Variants in ARHGEF18 observed in about 807,000 individuals in gnomAD.
ARHGEF18 encodes rho guanine nucleotide exchange factor 18.
A neutral mutation model predicts 155.7 loss-of-function variants in ARHGEF18; 93 were observed. The observed-to-expected ratio is 0.60, with a 90% CI of 0.50 to 0.71. ARHGEF18 has a LOEUF of 0.71. Ranked by LOEUF, ARHGEF18 falls within the 30% of genes least tolerant of loss-of-function variation. The probability of loss-of-function intolerance (pLI) is 0.00; values close to 1 mark genes in which losing one functional copy is unlikely to be tolerated. For missense variants in ARHGEF18, 1,593 were observed against 1,816.1 expected, an observed-to-expected ratio of 0.88 and a Z score of 2.23; for synonymous variants, 742 against 753.1, an observed-to-expected ratio of 0.99 and a Z score of 0.24.
intron 10 of ARHGEF18, among the ~76,000 whole-genome samples, chr19:7,391,020 C>T (rs971867506): frequency 2.0e-5 from 3 of 152,012 alleles, no homozygotes; most frequent in Non-Finnish European, 4.4e-5. Flanking sequence ...AGCCCGTTGA[C>T]AGAGTGAGAC....
intron 10 of ARHGEF18, among the ~76,000 whole-genome samples, chr19:7,415,255 C>T (rs532996364): frequency 6.6e-6 from 1 of 152,216 alleles, no homozygotes; most frequent in Non-Finnish European, 1.5e-5. Flanking sequence ...CAGGTAGCAC[C>T]TTAGGCCCAA....
intron 10 of ARHGEF18, among the ~76,000 whole-genome samples, chr19:7,384,717 G>A (rs1471842533): frequency 1.3e-5 from 2 of 149,926 alleles, no homozygotes; most frequent in East Asian, 3.9e-4. Context: ...TTTGCGACAG[G>A]GTCTCACTCT....
intron 10 of ARHGEF18, among the ~76,000 whole-genome samples, chr19:7,401,433 A>G (rs1451344812): frequency 1.3e-5 from 2 of 152,114 alleles, no homozygotes; most frequent in Non-Finnish European, 2.9e-5. Context: ...CCACAGGCAC[A>G]CACCATCACG....
intron 14 of ARHGEF18, 148 bp from the exon 15 acceptor site, chr19:7,446,895 C>CAAA (rs11329734): frequency 2.7e-4 from 190 of 707,358 alleles, no homozygotes; most frequent in Middle Eastern, 1.0e-3. Flanking sequence ...GATGCTGTCT[C>CAAA]AAAAAAAAAA....
At chr19:7,473,632 A>G (rs1977129295), downstream of ARHGEF18, among the ~76,000 whole-genome samples, 1 of 151,976 alleles carries the variant, frequency 6.6e-6, no homozygotes, top group South Asian at 2.1e-4. Context: ...TAACAAGGTG[A>G]AACCCCGTCT....
downstream of ARHGEF18, chr19:7,477,378 A>G: frequency 6.4e-7 from 1 of 1,555,718 alleles, no homozygotes; most frequent in Admixed American, 1.9e-5. Context: ...CTGAGAAGTG[A>G]CAGCGCCTCC....
Position 7,458,683 on chromosome 19 carries a change from G to A in ARHGEF18, c.2353G>A (p.Val785Met), listed in dbSNP as rs1302262351. Residue 785 changes from valine to methionine, a missense_variant, in exon 19 of 29, where the codon GTG (valine) becomes ATG (methionine). Val to Met is a conservative substitution (Grantham distance 21). Transcript: ENST00000668164. ...CTGGATGGCCCACATCCAAAGGGCT[G>A]TGGAGAGGTGAGGAGGGCCTGGGGG... Reference protein sequence around the residue: ...NAWMAHIQRAVESCPDEEEGP... With the variant: ...NAWMAHIQRAMESCPDEEEGP... 1.9e-6 allele frequency: 3 copies of A among 1,611,590 alleles called. No homozygotes were observed. The highest frequency in any genetic ancestry group is 2.2e-5 in the East Asian group (1 of 44,810).
intron 10 of ARHGEF18, among the ~76,000 whole-genome samples, chr19:7,401,520 C>G (rs949021353): frequency 3.3e-5 from 5 of 152,128 alleles, no homozygotes; most frequent in Admixed American, 1.3e-4. Context: ...AACTCCTGAA[C>G]TCAAGCAATC....
rs1384153209 is a variant in ARHGEF18, at chr19:7,453,607, T to G, written c.1996T>G (p.Ser666Ala). 6.2e-7 allele frequency: 1 copy of G among 1,613,446 alleles called. No homozygotes were observed. The highest frequency in any genetic ancestry group is 2.2e-5 in the East Asian group (1 of 44,878). Residue 666 changes from serine (S) to alanine (A), a missense_variant, in exon 17 of 29, where the codon TCC (serine) becomes GCC (alanine). Transcript: ENST00000668164. ...EIAGKMDLKS[S>A]SKLKNGLTFR... ...CGCAGGGAAGATGGACCTGAAGTCT[T>G]CCAGCAAACTCAAGAACGGGCTCAC...
At chr19:7,367,447 T>TA (rs1030907000) in intron 2 of ARHGEF18, among the ~76,000 whole-genome samples, 3 of 151,416 alleles carry the variant, frequency 2.0e-5, no homozygotes, top group Non-Finnish European at 4.4e-5. Flanking sequence ...CTACAAAAAA[T>TA]AAAAAAATAC....
chr19:7,449,182 A>G (rs1765717012), intron 15 of ARHGEF18, among the ~76,000 whole-genome samples: 1 of 152,054 alleles, frequency 6.6e-6, no homozygotes, highest in African/African-American at 2.4e-5. Context: ...CCTCAAATGC[A>G]TACAAGAGCA....
chr19:7,466,826 A>AT, intron 23 of ARHGEF18, 92 bp from the exon 24 acceptor site: 33 of 1,057,182 alleles, frequency 3.1e-5, no homozygotes, highest in Non-Finnish European at 3.8e-5. Context: ...AAAAAAAAAA[A>AT]GTTAAAAAAA....
At chr19:7,380,821 G>A (rs978110966) in intron 7 of ARHGEF18, 96 bp from the exon 8 acceptor site, 5 of 739,336 alleles carry the variant, frequency 6.8e-6, no homozygotes, top group East Asian at 3.4e-5. Context: ...GCTCTTAGAC[G>A]GGGTACCTGG....
At chr19:7,468,181 A>G (rs1387898893) in intron 26 of ARHGEF18, among the ~76,000 whole-genome samples, 8 of 151,618 alleles carry the variant, frequency 5.3e-5, no homozygotes, top group Non-Finnish European at 5.9e-5. Context: ...AGCCTGGGCA[A>G]CAGAGTGAGA....
Position 7,444,161 on chromosome 19 carries a change from G to T in ARHGEF18, c.1361-43G>T, listed in dbSNP as rs768859946. On this transcript the variant is annotated intron_variant, in intron 13 of 28. Coordinates refer to ENST00000668164, the MANE Select transcript of ARHGEF18 (RefSeq NM_001367823.1). This position sits in a 1 kb window ranked among gnomAD's most constrained non-coding sequence, Gnocchi z 4.7. Reference sequence around the variant, plus strand: ...GCACCCACGACTGCCCAGCGGGGCCGTGGAGCCAGCATGGCTAAGTCCTGC... The same window carrying T: ...GCACCCACGACTGCCCAGCGGGGCCTTGGAGCCAGCATGGCTAAGTCCTGC... 1 of 1,599,258 alleles carries T rather than the reference G, an allele frequency of 6.3e-7. No individual in the cohort carries two copies. The highest frequency in any genetic ancestry group is 8.5e-7 in the Non-Finnish European group (1 of 1,170,280).
intron 20 of ARHGEF18, 127 bp downstream of exon 20, chr19:7,460,121 C>A: frequency 3.4e-6 from 3 of 877,142 alleles, no homozygotes; most frequent in Non-Finnish European, 5.3e-6. Flanking sequence ...TGTGCCATGT[C>A]CTGCAGCTCT....
chr19:7,363,423 AAAG>A (rs1969716526), intron 2 of ARHGEF18, among the ~76,000 whole-genome samples: 1 of 151,086 alleles, frequency 6.6e-6, no homozygotes, highest in Non-Finnish European at 1.5e-5. Flanking sequence ...GGAAGGAAGG[AAAG>A]AAGGAAGTAT....
At chr19:7,412,009 T>G (rs1274237601) in intron 10 of ARHGEF18, among the ~76,000 whole-genome samples, 3 of 151,190 alleles carry the variant, frequency 2.0e-5, no homozygotes, top group African/African-American at 7.3e-5. Flanking sequence ...GCACACTTAT[T>G]TCCATGTTTT....
rs372857265 is a variant in ARHGEF18 at position 7,448,333 on chromosome 19, G to A, written c.1737+1165G>A. ...AGTTCAGTACCAGCCTGCCCAACATGGCGAAACCCCGTCTTTACTAAAAAT... is the reference window on the plus strand; with the variant it reads ...AGTTCAGTACCAGCCTGCCCAACATAGCGAAACCCCGTCTTTACTAAAAAT... On this transcript the variant is annotated intron_variant, in intron 15 of 28. Transcript: ENST00000668164. 3.5e-4 allele frequency among the ~76,000 whole-genome samples: 54 copies of A among 152,284 alleles called. No homozygotes were observed. The East Asian group carries it at 5.2e-3, about 15-fold the overall frequency.
Sources: allele counts gnomAD v4.1 joint callset (sites outside exome capture counted in the v4.1 genomes callset), GRCh38; gene constraint gnomAD v4.1.1; non-coding constraint Gnocchi (gnomAD v3.1); transcripts MANE v1.5; gene names NCBI Gene and HGNC (gene_info 2026-07-23, HGNC 2026-07-21).